Variants in ZNF34 observed in about 807,000 individuals in gnomAD.
ZNF34 encodes the protein zinc finger protein 34 (KOX 32).
Under a neutral mutation model 14.4 loss-of-function variants are expected in ZNF34, and 8 were observed. That is an observed-to-expected ratio of 0.55 (90% CI 0.33 to 1.00). The LOEUF is 1.00. Ranked by LOEUF, ZNF34 falls within the 50% of genes least tolerant of loss-of-function variation. ZNF34 has a pLI of 0.03. For missense variants in ZNF34, 538 were observed against 674.2 expected, an observed-to-expected ratio of 0.80 and a Z score of 2.24; for synonymous variants, 235 against 247.9, an observed-to-expected ratio of 0.95 and a Z score of 0.49.
chr8:144,774,034 A>C lies in ZNF34; in HGVS notation c.852T>G (p.Ile284Met), dbSNP rs760509430. The change falls in exon 6 of 6, where the codon ATT becomes ATG. Residue 284 changes from isoleucine (I) to methionine (M), a missense_variant. Around this residue, in one of 3 missense-constraint regions of ZNF34, gnomAD observed 431 missense variants for 525.7 expected, o/e 0.82. Coordinates refer to ENST00000429371, the MANE Select transcript of ZNF34 (RefSeq NM_001286769.2). ...TCCCACACTCGTCACACCGGTAGGG[A>C]ATCTCTCCTGAGTGCATCCTTCGGT... is the stretch of plus-strand genomic sequence containing the variant. ...INHRRMHSGE[I>M]PYRCDECGKT... 3.7e-6 allele frequency: 6 copies of C among 1,613,634 alleles called. No individual in the cohort carries two copies. The highest frequency in any genetic ancestry group is 5.1e-6 in the Non-Finnish European group (6 of 1,179,882).
chr8:144,782,316 G>A (rs944734832), intron 1 of ZNF34, among the ~76,000 whole-genome samples: 4 of 139,558 alleles, frequency 2.9e-5, no homozygotes, highest in South Asian at 2.1e-4. Flanking sequence ...GTGAGACTCC[G>A]ACACAAAACA....
intron 1 of ZNF34, among the ~76,000 whole-genome samples, chr8:144,783,142 T>G (rs1185968345): frequency 4.0e-5 from 6 of 148,478 alleles, no homozygotes; most frequent in Non-Finnish European, 9.0e-5. Flanking sequence ...TTAGCACGGA[T>G]TGGTGGCACA....
At chr8:144,787,256 GC>G in intron 1 of ZNF34, 22 bp downstream of exon 1, 1 of 152,658 alleles carries the variant, frequency 6.6e-6, no homozygotes, top group Non-Finnish European at 1.5e-5. Flanking sequence ...CCGCGCGCCC[GC>G]CCCCGCCGGG....
Position 144,779,242 on chromosome 8 carries a change from C to T in ZNF34, c.-54-717G>A, listed in dbSNP as rs947523292. ...TTGTTGGTTCCTTGCTTCTTGCTCT[C>T]CCAGGCTCATAAACATGTTCTCCAT... On this transcript the variant is annotated intron_variant, in intron 2 of 5. Coordinates refer to ENST00000429371, the MANE Select transcript of ZNF34 (RefSeq NM_001286769.2). This position sits in a 1 kb window ranked among gnomAD's most constrained non-coding sequence, Gnocchi z 4.1. Among the ~76,000 whole-genome samples, 3 of 152,176 alleles carry T rather than the reference C, an allele frequency of 2.0e-5. No homozygotes were observed. Among genetic ancestry groups the T allele is most frequent in the African/African-American group, 7.2e-5 (3 of 41,444 alleles).
intron 1 of ZNF34, among the ~76,000 whole-genome samples, chr8:144,782,318 C>CACAAAACAAA (rs141485254): frequency 0.073 from 10,983 of 151,274 alleles, 1,379 homozygotes; most frequent in African/African-American, 0.26. Context: ...GAGACTCCGA[C>CACAAAACAAA]ACAAAACAAA....
intron 1 of ZNF34, among the ~76,000 whole-genome samples, chr8:144,782,842 CAAAAAAAAAAAAAAAAAAAAA>C (rs548252812): frequency 8.7e-5 from 2 of 22,966 alleles, no homozygotes; most frequent in South Asian, 7.4e-3. Context: ...AAGCCTATCT[CAAAAAAAAAAAAAAAAAAAAA>C]AAAAAAAAAA....
At position 144,778,509 on chromosome 8, in the gene ZNF34, AGCTG is replaced by A; in HGVS notation, c.-42_-39del. 6.3e-7 allele frequency: 1 copy of A among 1,582,918 alleles called. No homozygotes were observed. Among genetic ancestry groups the A allele is most frequent in the South Asian group, 1.2e-5 (1 of 86,084 alleles). ...GGGCTTTCTGAGGGCAGTGAGCAGG[AGCTG>A]GTCACTGAGGAGCTGAGGGAAGAGA... is the stretch of plus-strand genomic sequence containing the variant. On this transcript the variant is annotated 5_prime_UTR_variant, in exon 3 of 6. Coordinates refer to ENST00000429371, the MANE Select transcript of ZNF34 (RefSeq NM_001286769.2).
Position 144,777,983 on chromosome 8 carries a change from T to C in ZNF34, c.160+55A>G, listed in dbSNP as rs1411868804. ...GTGAGGCCCCTAGCCCAGCCTCTGC[T>C]GAGCCCTTAGCCCCCAGGGCTGTTC... On this transcript the variant is annotated intron_variant, in intron 4 of 5. Transcript: ENST00000429371. The surrounding 1 kb of genome is among the most constrained non-coding windows in gnomAD (Gnocchi z 4.8). 1.2e-6 allele frequency: 2 copies of C among 1,604,126 alleles called. No individual in the cohort carries two copies. The highest frequency in any genetic ancestry group is 1.3e-5 in the African/African-American group (1 of 74,688).
intron 1 of ZNF34, among the ~76,000 whole-genome samples, chr8:144,781,448 G>C (rs1217709308): frequency 2.0e-5 from 3 of 151,844 alleles, no homozygotes; most frequent in Non-Finnish European, 4.4e-5. Flanking sequence ...AGTAGAGACG[G>C]AGTTTCACCG....
At chr8:144,776,544 C>A (rs1825528218) in intron 5 of ZNF34, among the ~76,000 whole-genome samples, 1 of 152,082 alleles carries the variant, frequency 6.6e-6, no homozygotes, top group Non-Finnish European at 1.5e-5. Context: ...TTGCAGTGAA[C>A]TAAGATTGCG....
chr8:144,778,548 G>A, intron 2 of ZNF34, 23 bp from the exon 3 acceptor site: 1 of 1,526,932 alleles, frequency 6.5e-7, no homozygotes, highest in Non-Finnish European at 8.8e-7. Flanking sequence ...AACGCAACAA[G>A]TGGAGGCCCA....
intron 1 of ZNF34, among the ~76,000 whole-genome samples, chr8:144,781,134 CAAATAAAT>C (rs143853733): frequency 3.6e-4 from 51 of 140,404 alleles, no homozygotes; most frequent in African/African-American, 1.1e-3. Flanking sequence ...GACTCCATCT[CAAATAAAT>C]AAATAAATAA....
At position 144,777,403 on chromosome 8, in the gene ZNF34, C is replaced by T. The variant is rs1029325202; in HGVS notation, c.280+55G>A. The T allele has an allele frequency of 5.2e-6, 8 of 1,539,648 alleles. No individual in the cohort carries two copies. The highest frequency in any genetic ancestry group is 6.1e-6 in the Non-Finnish European group (7 of 1,140,048). ...TGATTCATTAATCAGACACCCTGGA[C>T]CCCAATAAAGGCTCGTTCGGTGACT... On this transcript the variant is annotated intron_variant, in intron 5 of 5. Transcript: ENST00000429371. This position sits in a 1 kb window ranked among gnomAD's most constrained non-coding sequence, Gnocchi z 4.8.
chr8:144,776,302 ACT>A, intron 5 of ZNF34, among the ~76,000 whole-genome samples: 1 of 142,034 alleles, frequency 7.0e-6, no homozygotes, highest in Admixed American at 7.2e-5. Flanking sequence ...ACAGAGCAAG[ACT>A]CTGTCTCAAA....
chr8:144,773,956 C>A lies in ZNF34; in HGVS notation c.930G>T (p.Gly310=). ...ACTCCCCACACTTGTAGGGTTTCTCCCCAGTGTGAATCCTCTGGTGCTTCA... is the reference window on the plus strand; with the variant it reads ...ACTCCCCACACTTGTAGGGTTTCTCACCAGTGTGAATCCTCTGGTGCTTCA... The part of the protein sequence containing the change: ...NLMKHQRIHT[G]EKPYKCGECG... Residue 310 remains glycine (G), a synonymous_variant, in exon 6 of 6, where the codon GGG becomes GGT. Coordinates refer to ENST00000429371, the MANE Select transcript of ZNF34 (RefSeq NM_001286769.2). The surrounding 1 kb of genome is among the most constrained non-coding windows in gnomAD (Gnocchi z 5.4). 6.2e-7 allele frequency: 1 copy of A among 1,613,906 alleles called. No homozygotes were observed. Among genetic ancestry groups the A allele is most frequent in the Non-Finnish European group, 8.5e-7 (1 of 1,179,974 alleles).
chr8:144,781,004 C>T (rs1306820544), intron 1 of ZNF34, among the ~76,000 whole-genome samples: 3 of 150,466 alleles, frequency 2.0e-5, no homozygotes, highest in Non-Finnish European at 4.4e-5. Context: ...GGCGTGGTGG[C>T]GGGGGCCTAT....
At chr8:144,774,761 G>C (rs1020158879) in intron 5 of ZNF34, among the ~76,000 whole-genome samples, 156 bp from the exon 6 acceptor site, 8 of 152,182 alleles carry the variant, frequency 5.3e-5, no homozygotes, top group Admixed American at 2.0e-4. Context: ...GGCTTATGCA[G>C]CTCACCTGGG....
rs1472307206 is a variant in ZNF34, at chr8:144,773,820, T to C, written c.1066A>G (p.Ile356Val). 1.2e-6 allele frequency: 2 copies of C among 1,614,018 alleles called. No individual in the cohort carries two copies. Among genetic ancestry groups the C allele is most frequent in the Non-Finnish European group, 1.7e-6 (2 of 1,180,006 alleles). Residue 356 changes from isoleucine to valine, a missense_variant, in exon 6 of 6, where the codon ATC (isoleucine) becomes GTC (valine). By Grantham distance (29) the Ile-to-Val change is conservative. Coordinates refer to ENST00000429371, the MANE Select transcript of ZNF34 (RefSeq NM_001286769.2). The surrounding 1 kb of genome is among the most constrained non-coding windows in gnomAD (Gnocchi z 5.4). ...DCGKAFSDGSILIRHRRTHTG... is the reference protein window; with the variant it reads ...DCGKAFSDGSVLIRHRRTHTG... ...TGAGTCCGACGATGTCGGATAAGGATTGAGCCATCACTGAAGGCTTTCCCG... is the reference window on the plus strand; with the variant it reads ...TGAGTCCGACGATGTCGGATAAGGACTGAGCCATCACTGAAGGCTTTCCCG...
rs529759433 is a variant in ZNF34 at position 144,778,519 on chromosome 8, T to C, written c.-48A>G. 7 of 1,572,726 alleles carry C rather than the reference T, an allele frequency of 4.5e-6. No individual in the cohort carries two copies. In the South Asian group the frequency reaches 8.2e-5, roughly 19 times the overall value. ...AGGGCAGTGAGCAGGAGCTGGTCAC[T>C]GAGGAGCTGAGGGAAGAGAACGCAA... On this transcript the variant is annotated 5_prime_UTR_variant, in exon 3 of 6. Coordinates refer to ENST00000429371, the MANE Select transcript of ZNF34 (RefSeq NM_001286769.2).
Sources: allele counts gnomAD v4.1 joint callset (sites outside exome capture counted in the v4.1 genomes callset), GRCh38; gene constraint gnomAD v4.1.1; regional missense constraint gnomAD v4.1.1; non-coding constraint Gnocchi (gnomAD v3.1); transcripts MANE v1.5; gene names NCBI Gene and HGNC (gene_info 2026-07-23, HGNC 2026-07-21).